The following CCSER1 variants were observed in gnomAD, a reference collection of about 807,000 sequenced individuals.
CCSER1 encodes serine-rich coiled-coil domain-containing protein 1.
A neutral mutation model predicts 82.0 loss-of-function variants in CCSER1; 41 were observed. That is an observed-to-expected ratio of 0.50 (90% CI 0.39 to 0.65). CCSER1 has a LOEUF of 0.65. Ranked by LOEUF, CCSER1 falls within the 30% of genes least tolerant of loss-of-function variation. The pLI, the probability that CCSER1 is intolerant of heterozygous loss-of-function variation, is 0.00. For synonymous variants in CCSER1, 414 were observed against 383.9 expected (o/e 1.08, Z -0.92); for missense variants, 1,119 against 1,064.2 (o/e 1.05, Z -0.72).
intron 8 of CCSER1, among the ~76,000 whole-genome samples, chr4:90,887,657 G>T (rs779922864): frequency 1.3e-5 from 2 of 152,188 alleles, no homozygotes; most frequent in Admixed American, 6.6e-5. Flanking sequence ...GCCAAGGCAG[G>T]CAGATCACGA....
chr4:90,875,479 C>G (rs1049890283), intron 8 of CCSER1, among the ~76,000 whole-genome samples: 1 of 152,130 alleles, frequency 6.6e-6, no homozygotes, highest in South Asian at 2.1e-4. Flanking sequence ...ATGTTGAAGT[C>G]TATTCATTTA....
chr4:90,650,888 T>C (rs1728631382), intron 6 of CCSER1, among the ~76,000 whole-genome samples: 1 of 152,206 alleles, frequency 6.6e-6, no homozygotes, highest in African/African-American at 2.4e-5. Context: ...CTTGTAATAG[T>C]CTCATAACTA....
chr4:90,309,532 A>G lies in CCSER1; in HGVS notation c.1248A>G (p.Ser416=), dbSNP rs1317512309. The G allele has an allele frequency of 6.2e-7, 1 of 1,612,826 alleles. No homozygotes were observed. The highest frequency in any genetic ancestry group is 8.5e-7 in the Non-Finnish European group (1 of 1,179,368). Residue 416 remains serine, a synonymous_variant, in exon 2 of 11, where the codon TCA becomes TCG. Coordinates refer to ENST00000509176, the MANE Select transcript of CCSER1 (RefSeq NM_001145065.2). ...HVKGIHPISD[S]KIIPTSGDHH... is the part of the protein sequence containing the mutation. ...AAGGGATCCATCCTATTTCAGATTC[A>G]AAGATAATACCTACTTCTGGTGATC...
intron 8 of CCSER1, among the ~76,000 whole-genome samples, chr4:90,891,412 G>A (rs1722953441): frequency 6.6e-6 from 1 of 151,060 alleles, no homozygotes; most frequent in South Asian, 2.1e-4. Flanking sequence ...TATTTTTATA[G>A]TACTGGTAAT....
chr4:90,579,248 T>C (rs1436496253), intron 5 of CCSER1, among the ~76,000 whole-genome samples: 1 of 152,156 alleles, frequency 6.6e-6, no homozygotes, highest in African/African-American at 2.4e-5. Flanking sequence ...AAGGGCTTTG[T>C]TTGATTGTGT....
chr4:91,385,732 T>C (rs1237562392), intron 10 of CCSER1, among the ~76,000 whole-genome samples: 1 of 151,890 alleles, frequency 6.6e-6, no homozygotes, highest in Non-Finnish European at 1.5e-5. Flanking sequence ...ACAAAAAACT[T>C]CTAGGAGTAG....
chr4:90,775,604 T>C (rs1027270188), intron 7 of CCSER1, among the ~76,000 whole-genome samples: 4 of 152,304 alleles, frequency 2.6e-5, no homozygotes, highest in Middle Eastern at 6.8e-3. Context: ...CTTCTTTCCT[T>C]AGAAGTGACT....
At chr4:90,229,219 AGAAAGGTCGG>A (rs1578619894) in intron 1 of CCSER1, among the ~76,000 whole-genome samples, 1 of 152,200 alleles carries the variant, frequency 6.6e-6, no homozygotes, top group African/African-American at 2.4e-5. Flanking sequence ...GCAGCCAGAG[AGAAAGGTCGG>A]GTTACCCACA....
At chr4:90,894,789 T>A (rs1037737220) in intron 8 of CCSER1, among the ~76,000 whole-genome samples, 1 of 152,016 alleles carries the variant, frequency 6.6e-6, no homozygotes, top group Non-Finnish European at 1.5e-5. Flanking sequence ...ACACTTTCCA[T>A]GTGCTGGACA....
chr4:90,155,500 A>G (rs1727921639), intron 1 of CCSER1, among the ~76,000 whole-genome samples: 1 of 152,140 alleles, frequency 6.6e-6, no homozygotes, highest in Non-Finnish European at 1.5e-5. Flanking sequence ...CTGTGAATCC[A>G]TCTGGTCCTG....
chr4:91,147,892 C>G (rs998660859), intron 10 of CCSER1, among the ~76,000 whole-genome samples: 1 of 152,144 alleles, frequency 6.6e-6, no homozygotes, highest in Non-Finnish European at 1.5e-5. Flanking sequence ...CAGTAACTGC[C>G]TAGGCAGGAA....
rs372135848 is a variant in CCSER1 at position 90,631,003 on chromosome 4, C to T, written c.1932+2771C>T. Among the ~76,000 whole-genome samples the T allele has an allele frequency of 2.9e-4, 44 of 151,922 alleles. 1 individual carries two copies. The East Asian group carries it at 8.2e-3, about 28-fold the overall frequency. ...CCGCCTCCCGGGTTCACGCCATTCT[C>T]CTGCCTCAGCCTCCCGAGTAGCTGG... On this transcript the variant is annotated intron_variant, in intron 6 of 10. Coordinates refer to ENST00000509176, the MANE Select transcript of CCSER1 (RefSeq NM_001145065.2).
chr4:90,316,347 T>G (rs1446129597), intron 3 of CCSER1, among the ~76,000 whole-genome samples: 1 of 152,252 alleles, frequency 6.6e-6, no homozygotes, highest in Non-Finnish European at 1.5e-5. Context: ...CATTTTTCAA[T>G]TGTTTGCATC....
chr4:91,531,267 A>G lies in CCSER1; in HGVS notation c.2218-67305A>G, dbSNP rs1234591556. Among the ~76,000 whole-genome samples, 3 of 152,322 alleles carry G rather than the reference A, an allele frequency of 2.0e-5. No homozygotes were observed. The East Asian group carries it at 5.8e-4, about 29-fold the overall frequency. Reference sequence around the variant, plus strand: ...TAATAATTGGAGGATTTCTCCATTCAGAAGATCTATGTGATTGTATTCATC... The same window carrying G: ...TAATAATTGGAGGATTTCTCCATTCGGAAGATCTATGTGATTGTATTCATC... On this transcript the variant is annotated intron_variant, in intron 10 of 10. Transcript: ENST00000509176.
At chr4:90,496,656 T>A (rs892955595) in intron 5 of CCSER1, among the ~76,000 whole-genome samples, 1 of 152,284 alleles carries the variant, frequency 6.6e-6, no homozygotes, top group South Asian at 2.1e-4. Context: ...TTAAATAGAT[T>A]GAAGGTAACT....
At chr4:90,529,097 G>A (rs1239410773) in intron 5 of CCSER1, among the ~76,000 whole-genome samples, 1 of 152,064 alleles carries the variant, frequency 6.6e-6, no homozygotes, top group African/African-American at 2.4e-5. Context: ...CAGGCTTGAT[G>A]AGAAAACAGA....
chr4:91,225,326 ATATATATTATATATGTAATATATATG>A (rs1738085091), intron 10 of CCSER1, among the ~76,000 whole-genome samples: 2 of 128,124 alleles, frequency 1.6e-5, no homozygotes, highest in Non-Finnish European at 3.1e-5. Context: ...ATATATATGT[ATATATATTATATATGTAATATATATG>A]TATATATATT....
chr4:90,933,004 GAAAGAAAGAAAGAA>G (rs1424365469), intron 9 of CCSER1, among the ~76,000 whole-genome samples: 1,197 of 69,934 alleles, frequency 0.017, 441 homozygotes, highest in African/African-American at 0.096. Flanking sequence ...AAGAAAGAAA[GAAAGAAAGAAAGAA>G]AGAAAGAAAG....
At chr4:91,305,606 T>G (rs1389796296) in intron 10 of CCSER1, among the ~76,000 whole-genome samples, 1 of 152,070 alleles carries the variant, frequency 6.6e-6, no homozygotes, top group Non-Finnish European at 1.5e-5. Context: ...TGCTCATAAA[T>G]TATTTGAAAG....
Sources: gnomAD v4.1 joint callset for allele counts (sites outside exome capture counted in the v4.1 genomes callset) on GRCh38, gnomAD v4.1.1 for gene constraint, MANE v1.5 for transcripts, NCBI Gene and HGNC (gene_info 2026-07-23, HGNC 2026-07-21) for gene names.